PHRF1: variants seen among roughly 807,000 people sequenced by gnomAD.
PHRF1 encodes PHD and ring finger domains 1.
A neutral mutation model predicts 128.9 loss-of-function variants in PHRF1; 53 were observed. That is an observed-to-expected ratio of 0.41 (90% CI 0.33 to 0.52). The LOEUF is 0.52. Ranked by LOEUF, PHRF1 falls within the 20% of genes least tolerant of loss-of-function variation. PHRF1 has a pLI of 0.21. For synonymous variants in PHRF1, 1,178 were observed against 980.6 expected (o/e 1.20, Z -3.76); for missense variants, 2,503 against 2,284.5 (o/e 1.10, Z -1.95).
intron 16 of PHRF1, 80 bp from the exon 17 acceptor site, chr11:610,874 G>A: frequency 6.3e-7 from 1 of 1,588,456 alleles, no homozygotes; most frequent in African/African-American, 1.3e-5. Context: ...GAACTGCAAG[G>A]GTGTCCAGAA....
chr11:600,662 C>G (rs1191394990), intron 9 of PHRF1, among the ~76,000 whole-genome samples: 1 of 151,488 alleles, frequency 6.6e-6, no homozygotes, highest in African/African-American at 2.4e-5. Flanking sequence ...AAAACTCTGT[C>G]TCTATTAAAA....
rs1352786286 is a variant in PHRF1, at chr11:608,746, G to A, written c.3290G>A (p.Gly1097Asp). 1 of 1,611,566 alleles carries A rather than the reference G, an allele frequency of 6.2e-7. No homozygotes were observed. The highest frequency in any genetic ancestry group is 1.3e-5 in the African/African-American group (1 of 74,852). ...TCCCGGTCGCGGTCGGGGAGCCCTG[G>A]CAGCTCTTCCTATGAGCACTATGAG... Reference protein sequence around the residue: ...RTSRSRSGSPGSSSYEHYESR... With the variant: ...RTSRSRSGSPDSSSYEHYESR... Residue 1097 changes from glycine (G) to aspartate (D), a missense_variant, in exon 14 of 18, where the codon GGC becomes GAC. Transcript: ENST00000264555.
intron 5 of PHRF1, 63 bp downstream of exon 5, chr11:591,530 G>C: frequency 7.4e-7 from 1 of 1,352,200 alleles, no homozygotes; most frequent in African/African-American, 1.5e-5. Context: ...GTGGGACAGA[G>C]CATGCTTTCC....
At chr11:576,738 C>T (rs1853857302) in intron 1 of PHRF1, 146 bp downstream of exon 1, 1 of 147,754 alleles carries the variant, frequency 6.8e-6, no homozygotes, top group African/African-American at 2.4e-5. Flanking sequence ...CGGGCGGGCG[C>T]GCGCGCGCTG....
At position 602,960 on chromosome 11, in the gene PHRF1, A is replaced by G. The variant is rs1221521149; in HGVS notation, c.1152+1259A>G. Among the ~76,000 whole-genome samples, 3 of 151,768 alleles carry G rather than the reference A, an allele frequency of 2.0e-5. No individual in the cohort carries two copies. In the East Asian group the frequency reaches 5.9e-4, roughly 30 times the overall value. ...GTATTTTTATTAGAGATAGGGTTTC[A>G]CCATGTTGATCAGGCTGGTCTTGAA... is the stretch of plus-strand genomic sequence containing the variant. On this transcript the variant is annotated intron_variant, in intron 10 of 17. Transcript: ENST00000264555.
At chr11:587,133 C>A in intron 3 of PHRF1, 126 bp from the exon 4 acceptor site, 1 of 833,030 alleles carries the variant, frequency 1.2e-6, no homozygotes, top group Non-Finnish European at 1.9e-6. Flanking sequence ...GTGGCAGGAG[C>A]CTGCGGGGAG....
intron 4 of PHRF1, among the ~76,000 whole-genome samples, chr11:589,649 C>T (rs1471050512): frequency 6.6e-6 from 1 of 152,174 alleles, no homozygotes; most frequent in Non-Finnish European, 1.5e-5. Flanking sequence ...CGGACGGAGT[C>T]AAGATCTCGG....
chr11:611,872 G>T lies in PHRF1; in HGVS notation c.*95G>T. 2.7e-6 allele frequency: 4 copies of T among 1,490,020 alleles called. No individual in the cohort carries two copies. In the South Asian group the frequency reaches 5.2e-5, roughly 19 times the overall value. The allele number at this position is 1,490,020 out of a possible 1,614,324, so 92.3% of individuals were successfully genotyped here. A position where few individuals can be genotyped will look rare whatever the true frequency, so the allele number is the denominator to read the frequency against. On this transcript the variant is annotated 3_prime_UTR_variant, in exon 18 of 18. Transcript: ENST00000264555. ...GCTGTCGGGAGTGGCGGGAATCGGG[G>T]CCATGCCCGGGGAGCTGTCGGGAGT...
Position 582,096 on chromosome 11 carries a change from G to A in PHRF1, c.214+15G>A, listed in dbSNP as rs954098385. 8.3e-6 allele frequency: 13 copies of A among 1,573,856 alleles called. No individual in the cohort carries two copies. Among genetic ancestry groups the A allele is most frequent in the Non-Finnish European group, 1.1e-5 (13 of 1,160,110 alleles). On this transcript the variant is annotated intron_variant, in intron 3 of 17. Transcript: ENST00000264555. ...AGACAGATCTGGTGAGACAGCTGGT[G>A]TTCACGCCGGCTCCTGTGTTTCCTC...
chr11:590,620 A>G (rs572958211), intron 4 of PHRF1, among the ~76,000 whole-genome samples: 1 of 152,356 alleles, frequency 6.6e-6, no homozygotes, highest in South Asian at 2.1e-4. Flanking sequence ...TAAAGCCAAC[A>G]TAAAGATCTT....
intron 9 of PHRF1, among the ~76,000 whole-genome samples, chr11:600,254 C>CTT (rs753738754): frequency 3.0e-4 from 42 of 141,690 alleles, no homozygotes; most frequent in African/African-American, 8.8e-4. Context: ...ATTTTTATTC[C>CTT]TTTTTTTTTT....
intron 4 of PHRF1, 135 bp from the exon 5 acceptor site, chr11:591,249 G>A (rs1589873134): frequency 5.2e-6 from 4 of 772,266 alleles, no homozygotes; most frequent in Non-Finnish European, 6.4e-6. Flanking sequence ...CTCCACTGCC[G>A]TGTTGCCAGC....
At position 608,927 on chromosome 11, in the gene PHRF1, C is replaced by T; in HGVS notation, c.3471C>T (p.Asp1157=). The change falls in exon 14 of 18, where the codon GAC becomes GAT. Residue 1157 remains aspartate (D), a synonymous_variant. Coordinates refer to ENST00000264555, the MANE Select transcript of PHRF1 (RefSeq NM_001286581.2). ...DRKESVAWPR[D]RRKRRSRSPS... is the part of the protein sequence containing the mutation. ...AGGAGAGTGTGGCGTGGCCCCGAGA[C>T]CGGAGGAAGCGGAGGTCCCGGTCCC... is the stretch of plus-strand genomic sequence containing the variant. The T allele has an allele frequency of 6.2e-7, 1 of 1,611,994 alleles. No individual in the cohort carries two copies. The highest frequency in any genetic ancestry group is 1.3e-5 in the African/African-American group (1 of 74,960).
At position 585,629 on chromosome 11, in the gene PHRF1, TCCAGCTTGAGGTAGTAGCCC is replaced by T. The variant is rs1564841283; in HGVS notation, c.215-1629_215-1610del. On this transcript the variant is annotated intron_variant, in intron 3 of 17. Transcript: ENST00000264555. ...TTTCCAGCTTGAGGTAGTAGCCCTTTCCAGCTTGAGGTAGTAGCCCTTTCCAGCTTGAGGTAGTAGCTCTT... is the reference window on the plus strand; with the variant it reads ...TTTCCAGCTTGAGGTAGTAGCCCTTTTTTCCAGCTTGAGGTAGTAGCTCTT... Among the ~76,000 whole-genome samples the T allele has an allele frequency of 2.1e-4, 23 of 111,726 alleles. 4 individuals carry two copies. The highest frequency in any genetic ancestry group is 6.9e-4 in the African/African-American group (21 of 30,598). The allele number at this position is 111,726 out of a possible 152,430, so 73.3% of individuals were successfully genotyped here.
intron 9 of PHRF1, among the ~76,000 whole-genome samples, chr11:598,826 AC>A (rs1370709716): frequency 6.6e-6 from 1 of 152,244 alleles, no homozygotes; most frequent in African/African-American, 2.4e-5. Context: ...TTGTCAGAAT[AC>A]GCCCTGAAGC....
rs368972802 is a variant in PHRF1, at chr11:606,583, C to T, written c.1596C>T (p.Ser532=). ...DVIIHRDGSL[S]AKRAAPVSFQ... ...TCATCCACCGCGACGGCTCCCTCAG[C>T]GCCAAGAGGGCGGGTGAGTGCCTTC... Residue 532 remains serine, a synonymous_variant, in exon 13 of 18, where the codon AGC becomes AGT. Transcript: ENST00000264555. The T allele has an allele frequency of 5.5e-5, 88 of 1,605,134 alleles. No individual in the cohort carries two copies. Among genetic ancestry groups the T allele is most frequent in the Middle Eastern group, 1.7e-4 (1 of 6,056 alleles).
chr11:586,978 G>A (rs1236404736), intron 3 of PHRF1, among the ~76,000 whole-genome samples: 7 of 152,198 alleles, frequency 4.6e-5, no homozygotes, highest in Non-Finnish European at 1.0e-4. Flanking sequence ...GTCTGCCTCA[G>A]CCCCAGGCTC....
chr11:589,247 G>T (rs1415441361), intron 4 of PHRF1, among the ~76,000 whole-genome samples: 4 of 152,182 alleles, frequency 2.6e-5, no homozygotes, highest in African/African-American at 9.7e-5. Flanking sequence ...AAGTCATAAG[G>T]AGACGTGTAA....
intron 4 of PHRF1, among the ~76,000 whole-genome samples, chr11:590,019 T>TGCGGGGCTCAGCCTGAGAATGTCTGC (rs1564845507): frequency 7.6e-6 from 1 of 132,240 alleles, no homozygotes; most frequent in African/African-American, 2.9e-5. Flanking sequence ...AGAGTGTCTG[T>TGCGGGGCTCAGCCTGAGAATGTCTGC]AAACGGGCAT....
Sources: allele counts gnomAD v4.1 joint callset (sites outside exome capture counted in the v4.1 genomes callset), GRCh38; gene constraint gnomAD v4.1.1; transcripts MANE v1.5; gene names NCBI Gene and HGNC (gene_info 2026-07-23, HGNC 2026-07-21).